The following MUSK variants were observed in gnomAD, a reference collection of about 807,000 sequenced individuals.
The protein encoded by MUSK is muscle associated receptor tyrosine kinase, also known as muscle, skeletal receptor tyrosine-protein kinase.
MUSK carries 55 observed loss-of-function variants against 88.7 expected under a neutral mutation model. The observed-to-expected ratio is 0.62, with a 90% CI of 0.50 to 0.78. The LOEUF (loss-of-function observed/expected upper bound fraction) is 0.78. MUSK is among the 30% of genes least tolerant of loss of function. The pLI, the probability that MUSK is intolerant of heterozygous loss-of-function variation, is 0.00. For missense variants in MUSK, 1,015 were observed against 1,074.3 expected (o/e 0.94, Z 0.77); for synonymous variants, 387 against 391.9 (o/e 0.99, Z 0.15).
At chr9:110,683,104 C>T (rs1336750784) in intron 2 of MUSK, among the ~76,000 whole-genome samples, 1 of 151,838 alleles carries the variant, frequency 6.6e-6, no homozygotes, top group Non-Finnish European at 1.5e-5. Context: ...ACCCACTAAA[C>T]ATCCCCTACT....
chr9:110,697,608 G>A (rs1243604106), intron 5 of MUSK, 142 bp downstream of exon 5: 3 of 852,220 alleles, frequency 3.5e-6, no homozygotes, highest in Non-Finnish European at 4.9e-6. Context: ...ATAAGTTCAA[G>A]CGTATGATAA....
chr9:110,764,850 A>C (rs2077454968), intron 8 of MUSK, among the ~76,000 whole-genome samples: 1 of 152,324 alleles, frequency 6.6e-6, no homozygotes, highest in Non-Finnish European at 1.5e-5. Flanking sequence ...GTTAGGAAGA[A>C]AAAGCAAAAT....
intron 14 of MUSK, among the ~76,000 whole-genome samples, chr9:110,797,397 C>G (rs1226284808): frequency 1.3e-5 from 2 of 151,764 alleles, no homozygotes; most frequent in African/African-American, 4.8e-5. Context: ...GGTAGAGTAA[C>G]TGAAAATGAG....
At chr9:110,734,149 C>A in intron 5 of MUSK, 102 bp from the exon 6 acceptor site, 2 of 1,322,368 alleles carry the variant, frequency 1.5e-6, no homozygotes, top group Non-Finnish European at 2.1e-6. Flanking sequence ...CACTGAAGAA[C>A]TGCACACAGG....
chr9:110,713,716 C>T (rs891077202), intron 5 of MUSK, among the ~76,000 whole-genome samples: 1 of 152,132 alleles, frequency 6.6e-6, no homozygotes, highest in African/African-American at 2.4e-5. Flanking sequence ...AACTGGGATA[C>T]TGTGGTATGA....
At chr9:110,762,469 T>C (rs2077416439) in intron 8 of MUSK, among the ~76,000 whole-genome samples, 1 of 152,226 alleles carries the variant, frequency 6.6e-6, no homozygotes, top group Non-Finnish European at 1.5e-5. Flanking sequence ...GAATACTTAC[T>C]ATGGATCGGG....
chr9:110,704,012 C>G (rs868020050), intron 5 of MUSK, among the ~76,000 whole-genome samples: 69 of 152,246 alleles, frequency 4.5e-4, no homozygotes, highest in Middle Eastern at 6.8e-3. Context: ...TAAGGGACAA[C>G]AATTAGGATA....
intron 6 of MUSK, among the ~76,000 whole-genome samples, chr9:110,735,760 G>C (rs757157642): frequency 1.3e-5 from 2 of 152,062 alleles, no homozygotes; most frequent in Admixed American, 6.6e-5. Context: ...TCTGCTTCTG[G>C]GGAGGCCTCC....
chr9:110,786,310 C>CAAAAAAA (rs60666436), intron 13 of MUSK, among the ~76,000 whole-genome samples: 3 of 75,454 alleles, frequency 4.0e-5, no homozygotes, highest in Non-Finnish European at 8.3e-5. Flanking sequence ...GACTCTGTCT[C>CAAAAAAA]AAAAAAAAAA....
intron 6 of MUSK, among the ~76,000 whole-genome samples, chr9:110,744,858 C>T (rs2077153230): frequency 6.6e-6 from 1 of 152,106 alleles, no homozygotes; most frequent in Non-Finnish European, 1.5e-5. Flanking sequence ...ATCTGTTTTG[C>T]TTAGGCATAC....
In MUSK at chr9:110,801,063, C is replaced by A; in HGVS notation, c.*75C>A. Reference sequence around the variant, plus strand: ...AGCCAGGGGAATCCTACACCAGAGGCCCAACAAGACCCACATAGGAAAGAG... The same window carrying A: ...AGCCAGGGGAATCCTACACCAGAGGACCAACAAGACCCACATAGGAAAGAG... On this transcript the variant is annotated 3_prime_UTR_variant, in exon 15 of 15. Coordinates refer to ENST00000374448, the MANE Select transcript of MUSK (RefSeq NM_005592.4). 8.1e-7 allele frequency: 1 copy of A among 1,234,400 alleles called. No homozygotes were observed. Among genetic ancestry groups the A allele is most frequent in the Non-Finnish European group, 1.1e-6 (1 of 920,492 alleles). The allele number at this position is 1,234,400 out of a possible 1,614,324, so 76.5% of individuals were successfully genotyped here. A position where few individuals can be genotyped will look rare whatever the true frequency, so the allele number is the denominator to read the frequency against.
rs1343339859 is a variant in MUSK at position 110,802,298 on chromosome 9, T to C, written c.*1310T>C. On this transcript the variant is annotated 3_prime_UTR_variant, in exon 15 of 15. Coordinates refer to ENST00000374448, the MANE Select transcript of MUSK (RefSeq NM_005592.4). ...TTTTTCTCAGTGGATCCTCACACAATACATCTTTATCTAAGTCCATACATG... is the reference window on the plus strand; with the variant it reads ...TTTTTCTCAGTGGATCCTCACACAACACATCTTTATCTAAGTCCATACATG... Among the ~76,000 whole-genome samples the C allele has an allele frequency of 1.3e-5, 2 of 152,110 alleles. No individual in the cohort carries two copies. Among genetic ancestry groups the C allele is most frequent in the Admixed American group, 1.3e-4 (2 of 15,258 alleles).
chr9:110,762,275 T>C, intron 8 of MUSK, 67 bp downstream of exon 8: 1 of 1,286,208 alleles, frequency 7.8e-7, no homozygotes, highest in South Asian at 2.2e-5. Flanking sequence ...TTTGTTTGTT[T>C]TTGTCTGTGA....
chr9:110,775,721 G>C (rs2077657272), intron 9 of MUSK, 67 bp from the exon 10 acceptor site: 1 of 1,432,598 alleles, frequency 7.0e-7, no homozygotes, highest in South Asian at 1.2e-5. Flanking sequence ...CAGAATTTAG[G>C]CTCTGCCACA....
intron 3 of MUSK, among the ~76,000 whole-genome samples, chr9:110,692,947 A>T (rs993900906): frequency 6.6e-6 from 1 of 152,014 alleles, no homozygotes; most frequent in Non-Finnish European, 1.5e-5. Flanking sequence ...ATAAATATAC[A>T]TGGAGTGTTC....
Position 110,747,769 on chromosome 9 carries a change from T to C in MUSK, c.882T>C (p.Thr294=). 1 of 1,613,886 alleles carries C rather than the reference T, an allele frequency of 6.2e-7. No individual in the cohort carries two copies. The change falls in exon 7 of 15, where the codon ACT becomes ACC. Residue 294 remains threonine, a synonymous_variant. Transcript: ENST00000374448. ...ATAAGCATGGGGAGAAGTTCAGTAC[T>C]GCCAAGGCTGCAGCCACCATCAGCA... ...ATNKHGEKFS[T]AKAAATISIA... is the part of the protein sequence containing the mutation.
At chr9:110,735,038 A>G (rs1415220782) in intron 6 of MUSK, among the ~76,000 whole-genome samples, 2 of 152,142 alleles carry the variant, frequency 1.3e-5, no homozygotes, top group Non-Finnish European at 2.9e-5. Context: ...TGCCATGCAG[A>G]AAAATAAATC....
chr9:110,720,277 A>C (rs1587951553), intron 5 of MUSK, among the ~76,000 whole-genome samples: 1 of 152,192 alleles, frequency 6.6e-6, no homozygotes, highest in African/African-American at 2.4e-5. Flanking sequence ...AATGGAAAAA[A>C]ATACAAAAGA....
intron 5 of MUSK, among the ~76,000 whole-genome samples, chr9:110,723,515 G>A (rs774573252): frequency 9.2e-5 from 14 of 151,982 alleles, no homozygotes; most frequent in Non-Finnish European, 1.6e-4. Flanking sequence ...TATATATTAC[G>A]TACAGTTTAC....
Sources: allele counts gnomAD v4.1 joint callset (sites outside exome capture counted in the v4.1 genomes callset), GRCh38; gene constraint gnomAD v4.1.1; transcripts MANE v1.5; gene names NCBI Gene and HGNC (gene_info 2026-07-23, HGNC 2026-07-21).